The following SLC9D1 variants were observed in gnomAD, a reference collection of about 807,000 sequenced individuals.
The protein encoded by SLC9D1 is solute carrier family 9 member D1, also known as putative LAG1-interacting protein.
At chr13:113,495,493 C>T in the SLC9D1 span, 1 of 913,186 alleles carries the variant, frequency 1.1e-6, no homozygotes, top group Non-Finnish European at 1.7e-6. Context: ...GACAATAACT[C>T]TTTTTCAGCT....
At chr13:113,500,057 C>T in the SLC9D1 span, 2 of 1,594,288 alleles carry the variant, frequency 1.3e-6, no homozygotes, top group South Asian at 2.3e-5. Context: ...TGACTTGGGT[C>T]TTAGCATGCT....
chr13:113,535,332 G>A, the SLC9D1 span: 12 of 152,140 alleles, frequency 7.9e-5, no homozygotes, highest in African/African-American at 2.7e-4. The surrounding 1 kb of genome is among the most constrained non-coding windows in gnomAD (Gnocchi z 4.1). Context: ...TGAGAGTGGC[G>A]GGAGATGCTC....
the SLC9D1 span, chr13:113,539,386 G>A: frequency 8.7e-6 from 14 of 1,613,242 alleles, no homozygotes; most frequent in Admixed American, 5.0e-5. The surrounding 1 kb of genome is among the most constrained non-coding windows in gnomAD (Gnocchi z 4.8). Flanking sequence ...TCTCCATGGA[G>A]CTGGGCTGTT....
the SLC9D1 span, chr13:113,511,960 G>T: frequency 6.6e-6 from 1 of 151,134 alleles, no homozygotes; most frequent in African/African-American, 2.4e-5. Context: ...GACTGGAGAG[G>T]CAGAGGGCCG....
At chr13:113,501,096 G>T in the SLC9D1 span, among the ~76,000 whole-genome samples, 28,162 of 152,098 alleles carry the variant, frequency 0.19, 3,450 homozygotes, top group African/African-American at 0.35. Flanking sequence ...GCAAAGCCAC[G>T]TGAATTACAG....
At chr13:113,546,011 A>G in the SLC9D1 span, 1 of 152,208 alleles carries the variant, frequency 6.6e-6, no homozygotes, top group South Asian at 2.1e-4. This position sits in a 1 kb window ranked among gnomAD's most constrained non-coding sequence, Gnocchi z 7.1. Flanking sequence ...CAGCGGGGAG[A>G]AAACGCAGCC....
chr13:113,524,121 TCAG>T, the SLC9D1 span: 1 of 337,106 alleles, frequency 3.0e-6, no homozygotes, highest in Non-Finnish European at 5.6e-6. Flanking sequence ...TTAATATATG[TCAG>T]TCAGTTAACT....
chr13:113,500,089 G>T, the SLC9D1 span: 1 of 1,593,824 alleles, frequency 6.3e-7, no homozygotes, highest in Non-Finnish European at 8.6e-7. Context: ...AGAACAACCA[G>T]TATATTTTGA....
chr13:113,537,760 G>A, the SLC9D1 span, among the ~76,000 whole-genome samples: 135 of 152,320 alleles, frequency 8.9e-4, no homozygotes, highest in Admixed American at 2.5e-3. Context: ...CCAGAGGTGA[G>A]CTTCGGTTGT....
chr13:113,548,341 G>C, the SLC9D1 span: 3 of 1,614,074 alleles, frequency 1.9e-6, no homozygotes, highest in South Asian at 3.3e-5. Flanking sequence ...TCATTCTGCC[G>C]AGGAGCAGCC....
the SLC9D1 span, chr13:113,491,087 A>ACTCCCGGC: frequency 0.065 from 9,998 of 153,442 alleles, 366 homozygotes; most frequent in Non-Finnish European, 0.077. Flanking sequence ...TCCCTCCCGG[A>ACTCCCGGC]CTCCCGGCCT....
At chr13:113,499,604 A>G in the SLC9D1 span, among the ~76,000 whole-genome samples, 1 of 152,354 alleles carries the variant, frequency 6.6e-6, no homozygotes, top group South Asian at 2.1e-4. Flanking sequence ...GGACTCACAA[A>G]AAGGTTGGGT....
the SLC9D1 span, among the ~76,000 whole-genome samples, chr13:113,535,538 T>C: frequency 3.3e-5 from 5 of 152,138 alleles, no homozygotes; most frequent in African/African-American, 1.2e-4. This position sits in a 1 kb window ranked among gnomAD's most constrained non-coding sequence, Gnocchi z 4.1. Context: ...GTATTAGCCA[T>C]AAACAGTCCA....
chr13:113,541,573 G>A, the SLC9D1 span, among the ~76,000 whole-genome samples: 64 of 140,874 alleles, frequency 4.5e-4, 1 homozygote, highest in East Asian at 0.012. Flanking sequence ...CCATGCACAC[G>A]ATTGCTGATG....
At chr13:113,495,979 A>G in the SLC9D1 span, 1 of 1,613,318 alleles carries the variant, frequency 6.2e-7, no homozygotes, top group Non-Finnish European at 8.5e-7. Flanking sequence ...AACATGAAGG[A>G]GAGCAGCCGG....
the SLC9D1 span, among the ~76,000 whole-genome samples, chr13:113,538,258 C>T: frequency 0.041 from 4,430 of 109,228 alleles, 172 homozygotes; most frequent in African/African-American, 0.15. Context: ...GGTATGTGTT[C>T]GTGTGTGTCT....
At chr13:113,520,448 C>T in the SLC9D1 span, 5 of 486,236 alleles carry the variant, frequency 1.0e-5, no homozygotes, top group Admixed American at 1.3e-4. Flanking sequence ...CGAGCCACTG[C>T]ACTCCAGCCT....
chr13:113,524,704 A>T, the SLC9D1 span, among the ~76,000 whole-genome samples: 916 of 146,730 alleles, frequency 6.2e-3, 31 homozygotes, highest in East Asian at 0.11. Context: ...AAATAATATT[A>T]TTTTTTTTTT....
At chr13:113,528,270 CT>C in the SLC9D1 span, 1 of 152,216 alleles carries the variant, frequency 6.6e-6, no homozygotes, top group African/African-American at 2.4e-5. Context: ...AGTGACTCCC[CT>C]GGGGAGGGTG....
Sources: allele counts gnomAD v4.1 joint callset (sites outside exome capture counted in the v4.1 genomes callset), GRCh38; gene constraint gnomAD v4.1.1; non-coding constraint Gnocchi (gnomAD v3.1); transcripts MANE v1.5; gene names NCBI Gene and HGNC (gene_info 2026-07-23, HGNC 2026-07-21).